TBC1D22A: variants seen among roughly 807,000 people sequenced by gnomAD.
TBC1D22A encodes putative GTPase activator.
TBC1D22A carries 38 observed loss-of-function variants against 60.2 expected under a neutral mutation model. The observed-to-expected ratio is 0.63, with a 90% CI of 0.49 to 0.83. The LOEUF is 0.83. TBC1D22A is among the 40% of genes least tolerant of loss of function. The probability of loss-of-function intolerance (pLI) is 0.00; values close to 1 mark genes in which losing one functional copy is unlikely to be tolerated. For missense variants in TBC1D22A, 628 were observed against 701.0 expected (o/e 0.90, Z 1.18); for synonymous variants, 302 against 281.7 (o/e 1.07, Z -0.72).
In TBC1D22A at chr22:46,799,239, A is replaced by G. The variant is rs564135154; in HGVS notation, c.637+1619A>G. ...AATTCAAACTTGCAGAACAGTTGGC[A>G]TGAATAGTGCCAACAACTCCCATAT... On this transcript the variant is annotated intron_variant, in intron 4 of 12. Coordinates refer to ENST00000337137, the MANE Select transcript of TBC1D22A (RefSeq NM_014346.5). 2.0e-5 allele frequency among the ~76,000 whole-genome samples: 3 copies of G among 152,288 alleles called. No individual in the cohort carries two copies. The South Asian group carries it at 6.2e-4, about 32-fold the overall frequency.
In TBC1D22A at chr22:46,822,290, C is replaced by T. The variant is rs550524565; in HGVS notation, c.637+24670C>T. ...CAGTTCTGTGCCCTTGATGGAGAGA[C>T]ACTGTGATCATTTGGAGGAGATGAG... On this transcript the variant is annotated intron_variant, in intron 4 of 12. Coordinates refer to ENST00000337137, the MANE Select transcript of TBC1D22A (RefSeq NM_014346.5). Among the ~76,000 whole-genome samples the T allele has an allele frequency of 2.0e-5, 3 of 152,146 alleles. No homozygotes were observed. The East Asian group carries it at 5.8e-4, about 30-fold the overall frequency.
intron 1 of TBC1D22A, among the ~76,000 whole-genome samples, chr22:46,771,064 T>C (rs796711020): frequency 3.9e-5 from 6 of 152,336 alleles, no homozygotes; most frequent in African/African-American, 1.4e-4. Context: ...AGAAACACTT[T>C]GAAAAATAAA....
intron 11 of TBC1D22A, among the ~76,000 whole-genome samples, chr22:47,110,149 C>T (rs5767503): frequency 0.45 from 67,655 of 152,000 alleles, 16,242 homozygotes; most frequent in African/African-American, 0.63. Flanking sequence ...GTGTTTCCTG[C>T]TGCTTTTACC....
At chr22:47,135,806 G>A (rs775409822) in intron 12 of TBC1D22A, among the ~76,000 whole-genome samples, 22 of 152,362 alleles carry the variant, frequency 1.4e-4, no homozygotes, top group African/African-American at 2.6e-4. Context: ...TTCGCCCAGC[G>A]CTTGTTCACT....
intron 12 of TBC1D22A, among the ~76,000 whole-genome samples, chr22:47,165,411 G>C (rs1423741934): frequency 2.0e-5 from 3 of 152,188 alleles, no homozygotes; most frequent in Non-Finnish European, 4.4e-5. Flanking sequence ...CACGGGTATC[G>C]CTGCCCCTCT....
At chr22:46,878,749 G>A (rs780640965) in intron 5 of TBC1D22A, 26 bp downstream of exon 5, 1 of 1,609,896 alleles carries the variant, frequency 6.2e-7, no homozygotes, top group South Asian at 1.1e-5. Flanking sequence ...CCGCCCATCA[G>A]CGCCTCCTTC....
chr22:46,856,763 A>G (rs897083164), intron 4 of TBC1D22A, among the ~76,000 whole-genome samples: 5 of 152,246 alleles, frequency 3.3e-5, no homozygotes, highest in Non-Finnish European at 7.3e-5. Context: ...TCAGCAACAA[A>G]TGGATATAGC....
chr22:46,804,057 A>G (rs2085021002), intron 4 of TBC1D22A, among the ~76,000 whole-genome samples: 1 of 152,236 alleles, frequency 6.6e-6, no homozygotes, highest in Non-Finnish European at 1.5e-5. Context: ...AACTGACACT[A>G]CCATCCAATG....
At chr22:47,122,271 C>A (rs2066297797) in intron 12 of TBC1D22A, among the ~76,000 whole-genome samples, 1 of 152,184 alleles carries the variant, frequency 6.6e-6, no homozygotes, top group African/African-American at 2.4e-5. Context: ...GCTGTGCATT[C>A]CCTTTGGCTG....
At chr22:46,847,483 G>A (rs1394650990) in intron 4 of TBC1D22A, among the ~76,000 whole-genome samples, 1 of 152,202 alleles carries the variant, frequency 6.6e-6, no homozygotes. Flanking sequence ...TTTTCTGCAC[G>A]TTGAGAATGA....
Position 46,996,933 on chromosome 22 carries a change from T to C in TBC1D22A, c.1126-701T>C, listed in dbSNP as rs553792936. ...AGGCAGTGTTATTACTCTCATGTTA[T>C]TGGTAATGAAACGGAAGCCCAGAGA... is the stretch of plus-strand genomic sequence containing the variant. On this transcript the variant is annotated intron_variant, in intron 9 of 12. Coordinates refer to ENST00000337137, the MANE Select transcript of TBC1D22A (RefSeq NM_014346.5). 5.3e-5 allele frequency among the ~76,000 whole-genome samples: 8 copies of C among 152,358 alleles called. 1 individual carries two copies. In the South Asian group the frequency reaches 1.7e-3, roughly 32 times the overall value.
intron 8 of TBC1D22A, among the ~76,000 whole-genome samples, chr22:46,913,180 G>A (rs2070081323): frequency 6.6e-6 from 1 of 152,186 alleles, no homozygotes; most frequent in Non-Finnish European, 1.5e-5. Context: ...ATAAAAGTGA[G>A]GATCTGCTTT....
chr22:46,956,683 T>G (rs905194455), intron 8 of TBC1D22A, among the ~76,000 whole-genome samples: 8 of 152,178 alleles, frequency 5.3e-5, no homozygotes, highest in Non-Finnish European at 8.8e-5. Context: ...TGTGGGCCTG[T>G]GGTCCGCCGT....
chr22:46,851,593 T>G (rs1602149871), intron 4 of TBC1D22A, among the ~76,000 whole-genome samples: 1 of 152,238 alleles, frequency 6.6e-6, no homozygotes, highest in Non-Finnish European at 1.5e-5. Flanking sequence ...TCTGCCCGGT[T>G]AAGGACAGAG....
chr22:47,076,349 A>G (rs1019714679), intron 11 of TBC1D22A, among the ~76,000 whole-genome samples: 2 of 125,470 alleles, frequency 1.6e-5, no homozygotes, highest in African/African-American at 3.2e-5. Context: ...GTGTATATAT[A>G]TATATGTGTG....
At chr22:46,762,935 G>T in intron 1 of TBC1D22A, 87 bp downstream of exon 1, 1 of 1,326,484 alleles carries the variant, frequency 7.5e-7, no homozygotes, top group South Asian at 1.5e-5. Context: ...GTGGAGTCGG[G>T]GGTCTGGAGA....
intron 8 of TBC1D22A, chr22:46,915,346 C>T (rs1027226978): frequency 1.5e-5 from 7 of 453,462 alleles, no homozygotes; most frequent in Non-Finnish European, 3.1e-5. Context: ...CGGTAAACCT[C>T]AGATGCTCTG....
intron 12 of TBC1D22A, among the ~76,000 whole-genome samples, chr22:47,141,296 G>C (rs2147143238): frequency 6.6e-6 from 1 of 152,256 alleles, no homozygotes; most frequent in Non-Finnish European, 1.5e-5. Flanking sequence ...ATGAGATTTG[G>C]GTGGGGACAC....
intron 11 of TBC1D22A, among the ~76,000 whole-genome samples, chr22:47,096,263 A>G (rs1019506590): frequency 6.6e-6 from 1 of 152,016 alleles, no homozygotes; most frequent in Non-Finnish European, 1.5e-5. Context: ...CTTTGTATTC[A>G]TCATCTTTTT....
Sources: gnomAD v4.1 joint callset for allele counts (sites outside exome capture counted in the v4.1 genomes callset) on GRCh38, gnomAD v4.1.1 for gene constraint, MANE v1.5 for transcripts, NCBI Gene and HGNC (gene_info 2026-07-23, HGNC 2026-07-21) for gene names.